TIAM2: variants seen among roughly 807,000 people sequenced by gnomAD.
TIAM2 encodes rho guanine nucleotide exchange factor TIAM2.
A neutral mutation model predicts 152.9 loss-of-function variants in TIAM2; 80 were observed. The observed-to-expected ratio is 0.52, with a 90% CI of 0.44 to 0.63. The LOEUF is 0.63. TIAM2 is among the 30% of genes least tolerant of loss of function. The pLI is 0.00. For missense variants in TIAM2, 1,965 were observed against 2,120.1 expected (o/e 0.93, Z 1.44); for synonymous variants, 804 against 838.0 (o/e 0.96, Z 0.70).
At chr6:155,241,269 A>C (rs1190068678) in intron 16 of TIAM2, among the ~76,000 whole-genome samples, 1 of 152,196 alleles carries the variant, frequency 6.6e-6, no homozygotes, top group African/African-American at 2.4e-5. Context: ...ATAAGCCCCC[A>C]GTCAGTGGTT....
intron 2 of TIAM2, among the ~76,000 whole-genome samples, chr6:155,091,324 C>T (rs551729888): frequency 1.3e-4 from 20 of 152,294 alleles, no homozygotes; most frequent in African/African-American, 4.6e-4. Flanking sequence ...AGAGCAGAAG[C>T]TCCACAAGGG....
At chr6:155,011,218 A>C in intron 1 of TIAM2, among the ~76,000 whole-genome samples, 1 of 151,512 alleles carries the variant, frequency 6.6e-6, no homozygotes, top group Admixed American at 6.6e-5. Context: ...GGTCTTTACA[A>C]CTCCTCACTT....
At chr6:155,137,733 C>G in intron 5 of TIAM2, 121 bp downstream of exon 5, 1 of 1,067,174 alleles carries the variant, frequency 9.4e-7, no homozygotes, top group Non-Finnish European at 1.3e-6. Flanking sequence ...GACACAGGAT[C>G]CATGGGCTGC....
intron 14 of TIAM2, among the ~76,000 whole-genome samples, chr6:155,188,984 C>A (rs1452608791): frequency 6.6e-6 from 1 of 152,200 alleles, no homozygotes; most frequent in Non-Finnish European, 1.5e-5. Context: ...TTAGCCTCCA[C>A]GCCCCCTTTG....
At chr6:155,099,947 C>T (rs1562315646) in intron 2 of TIAM2, among the ~76,000 whole-genome samples, 1 of 152,216 alleles carries the variant, frequency 6.6e-6, no homozygotes. Context: ...GCAGTTGTAA[C>T]ACAATGGGAA....
intron 1 of TIAM2, among the ~76,000 whole-genome samples, chr6:155,056,310 T>G (rs900491318): frequency 6.6e-6 from 1 of 151,600 alleles, no homozygotes; most frequent in Non-Finnish European, 1.5e-5. Context: ...TAGCTGGGAC[T>G]GTCGGCGCCT....
At chr6:155,172,661 T>TATATATATATATAGATATATAG (rs1780624691) in intron 9 of TIAM2, among the ~76,000 whole-genome samples, 1 of 8,300 alleles carries the variant, frequency 1.2e-4, no homozygotes, top group African/African-American at 3.5e-4. Flanking sequence ...TATATATATA[T>TATATATATATATAGATATATAG]ATATATATAT....
At chr6:155,152,945 T>C (rs935778593) in intron 7 of TIAM2, among the ~76,000 whole-genome samples, 1 of 152,204 alleles carries the variant, frequency 6.6e-6, no homozygotes, top group Non-Finnish European at 1.5e-5. Context: ...GATGACATCA[T>C]AGTTGGTGCT....
At chr6:155,244,527 T>C (rs893661664) in intron 17 of TIAM2, 131 bp from the exon 18 acceptor site, 1 of 1,150,420 alleles carries the variant, frequency 8.7e-7, no homozygotes, top group Non-Finnish European at 1.2e-6. Flanking sequence ...TGCTGTCTTC[T>C]TAAAGGATTT....
intron 1 of TIAM2, among the ~76,000 whole-genome samples, chr6:154,997,579 G>A (rs1371461048): frequency 6.6e-6 from 1 of 150,632 alleles, no homozygotes; most frequent in African/African-American, 2.4e-5. Flanking sequence ...TGATGTAATA[G>A]GAGCTCAGTT....
chr6:155,097,015 C>G (rs1454494951), intron 2 of TIAM2, among the ~76,000 whole-genome samples: 1 of 152,158 alleles, frequency 6.6e-6, no homozygotes, highest in Non-Finnish European at 1.5e-5. Flanking sequence ...TAGCATCTGT[C>G]ATTGCCTGTC....
At position 155,130,331 on chromosome 6, in the gene TIAM2, A is replaced by C; in HGVS notation, c.1108A>C (p.Thr370Pro). The C allele has an allele frequency of 6.2e-7, 1 of 1,614,138 alleles. No homozygotes were observed. The highest frequency in any genetic ancestry group is 8.5e-7 in the Non-Finnish European group (1 of 1,180,036). ...GAAGCCCAAAGCCTTTGTTGAGGAT[A>C]CTGCGAAGAAGGACTCCCTCAAAGC... is the stretch of plus-strand genomic sequence containing the variant. The part of the protein sequence containing the change: ...CRKPKAFVED[T>P]AKKDSLKARM... The change falls in exon 4 of 27, where the codon ACT (threonine) becomes CCT (proline). Residue 370 changes from threonine to proline, a missense_variant. Physicochemically the swap from Thr to Pro is conservative, Grantham distance 38 (BLOSUM62 -1). This residue lies in a region of TIAM2 where 1,025 missense variants were observed against 1,119.4 expected (regional missense o/e 0.92). Coordinates refer to ENST00000682666, the MANE Select transcript of TIAM2 (RefSeq NM_012454.4).
At chr6:155,095,869 T>C (rs747379441) in intron 2 of TIAM2, among the ~76,000 whole-genome samples, 3 of 152,218 alleles carry the variant, frequency 2.0e-5, no homozygotes, top group Non-Finnish European at 4.4e-5. Flanking sequence ...CTTTCTCCAA[T>C]GTTCCAATAT....
intron 21 of TIAM2, chr6:155,250,647 T>C (rs1583288635): frequency 6.5e-7 from 1 of 1,533,338 alleles, no homozygotes; most frequent in African/African-American, 1.4e-5. Flanking sequence ...TTATGGAAAC[T>C]GAGTTGGTCA....
At chr6:155,019,096 G>A (rs1776411195) in intron 1 of TIAM2, among the ~76,000 whole-genome samples, 1 of 151,396 alleles carries the variant, frequency 6.6e-6, no homozygotes, top group African/African-American at 2.4e-5. Flanking sequence ...AGCACTTTGG[G>A]AGGCTGAGGC....
chr6:155,025,484 T>G (rs1347027392), intron 1 of TIAM2, among the ~76,000 whole-genome samples: 2 of 151,928 alleles, frequency 1.3e-5, no homozygotes, highest in Non-Finnish European at 2.9e-5. Flanking sequence ...CCCGGCCTAA[T>G]TTTTGTATTT....
intron 2 of TIAM2, among the ~76,000 whole-genome samples, chr6:155,126,088 G>A (rs946692987): frequency 1.3e-5 from 2 of 152,108 alleles, no homozygotes; most frequent in African/African-American, 4.8e-5. Flanking sequence ...CTCTCCATGG[G>A]ATGAATGAAT....
intron 2 of TIAM2, among the ~76,000 whole-genome samples, chr6:155,107,404 G>A (rs571858356): frequency 7.9e-5 from 12 of 152,248 alleles, no homozygotes; most frequent in South Asian, 4.1e-4. Context: ...TGCCTGCGCC[G>A]TTTTACTAAT....
intron 1 of TIAM2, among the ~76,000 whole-genome samples, chr6:155,007,937 G>T (rs1263816953): frequency 6.6e-6 from 1 of 152,184 alleles, no homozygotes; most frequent in African/African-American, 2.4e-5. Context: ...GCTAAATTTT[G>T]ATAGCTTGAT....
Sources: gnomAD v4.1 joint callset for allele counts (sites outside exome capture counted in the v4.1 genomes callset) on GRCh38, gnomAD v4.1.1 for gene constraint, gnomAD v4.1.1 regional missense constraint, MANE v1.5 for transcripts, NCBI Gene and HGNC (gene_info 2026-07-23, HGNC 2026-07-21) for gene names.